RBFOX1: variants seen among roughly 807,000 people sequenced by gnomAD.
RBFOX1 encodes RNA binding fox-1 homolog 1.
In RBFOX1, 8 loss-of-function variants were observed where a neutral mutation model predicts 57.7. That is an observed-to-expected ratio of 0.14 (90% confidence interval 0.08 to 0.25). The LOEUF (loss-of-function observed/expected upper bound fraction) is 0.25. RBFOX1 is among the 10% of genes least tolerant of loss of function. The pLI is 1.00. For synonymous variants in RBFOX1, 326 were observed against 222.4 expected, an observed-to-expected ratio of 1.47 and a Z score of -4.15; for missense variants, 611 against 548.5, an observed-to-expected ratio of 1.11 and a Z score of -1.14.
At chr16:7,205,029 G>C (rs2089630436) in intron 4 of RBFOX1, among the ~76,000 whole-genome samples, 1 of 152,170 alleles carries the variant, frequency 6.6e-6, no homozygotes, top group Non-Finnish European at 1.5e-5. Flanking sequence ...ACAAGGGGAG[G>C]TGGGAGTATG....
intron 3 of RBFOX1, among the ~76,000 whole-genome samples, chr16:6,943,026 G>C (rs796210771): frequency 9.2e-5 from 14 of 152,314 alleles, no homozygotes; most frequent in African/African-American, 3.4e-4. Context: ...AGACCCAAAT[G>C]GGCAAGCGGG....
chr16:6,975,847 C>T (rs1598870097), intron 3 of RBFOX1, among the ~76,000 whole-genome samples: 1 of 152,050 alleles, frequency 6.6e-6, no homozygotes, highest in Admixed American at 6.5e-5. Context: ...ATAAAACTAG[C>T]TGGGTATGGT....
At chr16:7,556,007 A>AGCACATG in intron 5 of RBFOX1, among the ~76,000 whole-genome samples, 2 of 142,406 alleles carry the variant, frequency 1.4e-5, no homozygotes, top group African/African-American at 5.8e-5. Context: ...GGAATTGCAT[A>AGCACATG]CTTAGTGCTT....
At chr16:6,321,791 T>C (rs1292971469) in intron 2 of RBFOX1, among the ~76,000 whole-genome samples, 2 of 152,176 alleles carry the variant, frequency 1.3e-5, no homozygotes, top group African/African-American at 4.8e-5. Flanking sequence ...GAAATACTGG[T>C]ATGGGTCTTT....
chr16:6,538,690 C>T (rs1283600360), intron 2 of RBFOX1, among the ~76,000 whole-genome samples: 1 of 152,174 alleles, frequency 6.6e-6, no homozygotes, highest in Non-Finnish European at 1.5e-5. Flanking sequence ...GGGAGTTAAA[C>T]CAAGGTAAAC....
Position 5,253,712 on chromosome 16 carries a change from G to A in RBFOX1, c.219+13607G>A, listed in dbSNP as rs1279229132. On this transcript the variant is annotated intron_variant, in intron 1 of 2. Coordinates refer to the RBFOX1 transcript ENST00000585867. The stretch of plus-strand genomic sequence containing the variant: ...AGGGTCTCAATTTCTTGCAAGTCCT[G>A]TATGAGGTGGGTGCTGTGATTATCC... Among the ~76,000 whole-genome samples, 6 of 152,356 alleles carry A rather than the reference G, an allele frequency of 3.9e-5. 1 individual carries two copies. In the East Asian group the frequency reaches 1.2e-3, roughly 29 times the overall value.
In RBFOX1 at chr16:7,250,561, C is replaced by T. The variant is rs138782076; in HGVS notation, c.27+198463C>T. Among the ~76,000 whole-genome samples, 9 of 152,280 alleles carry T rather than the reference C, an allele frequency of 5.9e-5. No individual in the cohort carries two copies. In the East Asian group the frequency reaches 1.7e-3, roughly 29 times the overall value. On this transcript the variant is annotated intron_variant, in intron 4 of 15. Transcript: ENST00000550418. The stretch of plus-strand genomic sequence containing the variant: ...CCCTCCCTCCAAGAAAGTAAACTAC[C>T]TGAAGGCAAAGACTAAGAGTATATA...
chr16:7,133,268 T>C (rs1354885106), intron 4 of RBFOX1, among the ~76,000 whole-genome samples: 4 of 152,194 alleles, frequency 2.6e-5, no homozygotes, highest in African/African-American at 7.2e-5. Context: ...GAACAAGATA[T>C]TGTTTTGTAT....
intron 4 of RBFOX1, among the ~76,000 whole-genome samples, chr16:7,509,147 A>G (rs2074275420): frequency 6.6e-6 from 1 of 152,180 alleles, no homozygotes; most frequent in Non-Finnish European, 1.5e-5. Context: ...AGAAAACGAT[A>G]AGCCATGAAA....
At position 6,767,955 on chromosome 16, in the gene RBFOX1, A is replaced by ATAATAATAAT. The variant is rs1491434134; in HGVS notation, c.-16+113305_-16+113306insTAATAATAAT. On this transcript the variant is annotated intron_variant, in intron 3 of 15. Transcript: ENST00000550418. Reference sequence around the variant, plus strand: ...AATAATAATAATAATAATAAGAAGAAGAAGAAGAAGAAGAAGAAGAAGAAG... The same window carrying ATAATAATAAT: ...AATAATAATAATAATAATAAGAAGAATAATAATAATGAAGAAGAAGAAGAAGAAGAAGAAG... 5.3e-3 allele frequency among the ~76,000 whole-genome samples: 564 copies of ATAATAATAAT among 106,906 alleles called. 8 individuals carry two copies. The highest frequency in any genetic ancestry group is 0.011 in the South Asian group (37 of 3,480). The allele number at this position is 106,906 out of a possible 152,430, so 70.1% of individuals were successfully genotyped here.
At chr16:6,645,589 C>T (rs1188886010) in intron 2 of RBFOX1, among the ~76,000 whole-genome samples, 3 of 152,148 alleles carry the variant, frequency 2.0e-5, no homozygotes, top group Non-Finnish European at 2.9e-5. Flanking sequence ...GAGAGAACTG[C>T]TTCTGAAAAG....
At chr16:6,498,122 C>A (rs370514273) in intron 2 of RBFOX1, among the ~76,000 whole-genome samples, 2 of 151,740 alleles carry the variant, frequency 1.3e-5, no homozygotes, top group South Asian at 2.1e-4. Flanking sequence ...CATGGTGGTA[C>A]GTGCCTGTAG....
intron 4 of RBFOX1, among the ~76,000 whole-genome samples, chr16:7,122,163 A>T (rs2067334877): frequency 6.6e-6 from 1 of 152,184 alleles, no homozygotes; most frequent in African/African-American, 2.4e-5. Context: ...ATTTGACTTA[A>T]CAAAATTGTT....
chr16:7,457,272 G>C (rs991972464), intron 4 of RBFOX1, among the ~76,000 whole-genome samples: 2 of 152,086 alleles, frequency 1.3e-5, no homozygotes, highest in African/African-American at 2.4e-5. Context: ...ACAGTTGACT[G>C]TTGTGTCATG....
At chr16:5,397,381 G>T (rs892928818) in intron 1 of RBFOX1, among the ~76,000 whole-genome samples, 3 of 152,174 alleles carry the variant, frequency 2.0e-5, no homozygotes. Flanking sequence ...ACTAGAACAG[G>T]ATCAGGCAGC....
chr16:6,464,792 G>T (rs1326214268), intron 2 of RBFOX1, among the ~76,000 whole-genome samples: 1 of 152,198 alleles, frequency 6.6e-6, no homozygotes, highest in African/African-American at 2.4e-5. Flanking sequence ...TTGGCTGAAT[G>T]TATTTCACCT....
chr16:7,657,065 T>C (rs2066490875), intron 12 of RBFOX1, among the ~76,000 whole-genome samples: 1 of 152,158 alleles, frequency 6.6e-6, no homozygotes, highest in African/African-American at 2.4e-5. Context: ...CCAACCTAAA[T>C]CTGTTCTTCC....
chr16:5,885,337 A>AC (rs2057872940), intron 4 of RBFOX1, among the ~76,000 whole-genome samples: 1 of 151,014 alleles, frequency 6.6e-6, no homozygotes, highest in African/African-American at 2.4e-5. Flanking sequence ...AAAAAAAAAA[A>AC]CTCCAAATAC....
chr16:5,694,296 A>G (rs2050782826), intron 3 of RBFOX1, among the ~76,000 whole-genome samples: 1 of 152,328 alleles, frequency 6.6e-6, no homozygotes, highest in African/African-American at 2.4e-5. Context: ...TGCTAAAGTC[A>G]TTTAATTATC....
Sources: allele counts gnomAD v4.1 joint callset (sites outside exome capture counted in the v4.1 genomes callset), GRCh38; gene constraint gnomAD v4.1.1; transcripts MANE v1.5; gene names NCBI Gene and HGNC (gene_info 2026-07-23, HGNC 2026-07-21).